Variants in THRAP3 observed in about 807,000 individuals in gnomAD.
The protein encoded by THRAP3 is thyroid hormone receptor associated protein 3, also known as thyroid hormone receptor-associated protein 3.
Under a neutral mutation model 101.0 loss-of-function variants are expected in THRAP3, and 16 were observed. The ratio of observed to expected loss-of-function variants is 0.16; its 90% CI spans 0.11 to 0.24. THRAP3 has a LOEUF of 0.24. Among genes scored for constraint, THRAP3 ranks in the 10% least tolerant of loss-of-function variants. The probability of loss-of-function intolerance (pLI) is 1.00; values close to 1 mark genes in which losing one functional copy is unlikely to be tolerated. For synonymous variants in THRAP3, 407 were observed against 422.6 expected, an observed-to-expected ratio of 0.96 and a Z score of 0.45; for missense variants, 989 against 1,202.7, an observed-to-expected ratio of 0.82 and a Z score of 2.63.
At chr1:36,217,971 G>T in the THRAP3 span, among the ~76,000 whole-genome samples, 8 of 152,290 alleles carry the variant, frequency 5.3e-5, no homozygotes, top group East Asian at 1.9e-4. Flanking sequence ...AGCTAGAAAT[G>T]ATTAAGCTTA....
chr1:36,226,430 T>G (rs1393967071), intron 1 of THRAP3, among the ~76,000 whole-genome samples: 1 of 152,162 alleles, frequency 6.6e-6, no homozygotes, highest in African/African-American at 2.4e-5. Context: ...TGGCTCATTT[T>G]TGTATTTGTA....
intron 1 of THRAP3, among the ~76,000 whole-genome samples, chr1:36,258,477 T>C (rs1645403600): frequency 6.6e-6 from 1 of 152,106 alleles, no homozygotes; most frequent in Admixed American, 6.6e-5. Context: ...ATCCTGTTAG[T>C]AATTTTTTTT....
intron 1 of THRAP3, among the ~76,000 whole-genome samples, chr1:36,246,941 A>G (rs1645238687): frequency 6.6e-6 from 1 of 152,196 alleles, no homozygotes; most frequent in African/African-American, 2.4e-5. Flanking sequence ...AAAAATTGAT[A>G]ATATACATTG....
intron 2 of THRAP3, among the ~76,000 whole-genome samples, chr1:36,270,324 G>A (rs1290031695): frequency 2.0e-5 from 3 of 152,070 alleles, no homozygotes; most frequent in African/African-American, 7.2e-5. Context: ...AGCCAGGGAG[G>A]TTGAGGCTGC....
At chr1:36,219,715 C>A (rs561250430), upstream of THRAP3, among the ~76,000 whole-genome samples, 1 of 152,280 alleles carries the variant, frequency 6.6e-6, no homozygotes, top group East Asian at 1.9e-4. Flanking sequence ...CAGGCGTGAG[C>A]CTCCGTGCCC....
intron 2 of THRAP3, among the ~76,000 whole-genome samples, chr1:36,270,304 CGGTTGAGCCAGCCAGGGA>C (rs1329516604): frequency 2.2e-4 from 33 of 152,134 alleles, no homozygotes; most frequent in African/African-American, 7.7e-4. Flanking sequence ...GTGGGAGGAT[CGGTTGAGCCAGCCAGGGA>C]GGTTGAGGCT....
upstream of THRAP3, among the ~76,000 whole-genome samples, chr1:36,220,972 A>AAAAAAAAAAATATATATATAT (rs1285765741): frequency 1.1e-5 from 1 of 94,144 alleles, no homozygotes; most frequent in African/African-American, 4.7e-5. Flanking sequence ...AAAAAAAAAA[A>AAAAAAAAAAATATATATATAT]ATATATATAT....
the THRAP3 span, among the ~76,000 whole-genome samples, chr1:36,218,990 G>T: frequency 1.5e-5 from 2 of 135,144 alleles, no homozygotes; most frequent in Non-Finnish European, 3.0e-5. Flanking sequence ...CTGAGATCAC[G>T]CCACTGCACT....
upstream of THRAP3, among the ~76,000 whole-genome samples, chr1:36,220,972 A>AAAAAAAAAAT (rs1285765741): frequency 4.7e-4 from 44 of 94,116 alleles, 2 homozygotes; most frequent in African/African-American, 1.9e-3. Context: ...AAAAAAAAAA[A>AAAAAAAAAAT]ATATATATAT....
rs369334345 is a variant in THRAP3, at chr1:36,305,004, CT to C, written c.*998del. 6.7e-3 allele frequency: 1,241 copies of C among 186,038 alleles called. No individual in the cohort carries two copies. Among genetic ancestry groups the C allele is most frequent in the East Asian group, 0.018 (187 of 10,536 alleles). The allele number at this position is 186,038 out of a possible 1,614,324, so 11.5% of individuals were successfully genotyped here. On this transcript the variant is annotated 3_prime_UTR_variant, in exon 12 of 12. Transcript: ENST00000354618. Reference sequence around the variant, plus strand: ...GTGGTTCAGGGGTTTTTTTGGGTTTCTTTTTTTTTTTCTTTGTCTTTTTAAC... The same window carrying C: ...GTGGTTCAGGGGTTTTTTTGGGTTTCTTTTTTTTTTCTTTGTCTTTTTAAC...
intron 2 of THRAP3, among the ~76,000 whole-genome samples, chr1:36,260,087 CA>C (rs1204588344): frequency 6.6e-6 from 1 of 151,260 alleles, no homozygotes; most frequent in Non-Finnish European, 1.5e-5. Flanking sequence ...ACTAAAAATA[CA>C]AAAATTAGCC....
At chr1:36,207,977 G>C in the THRAP3 span, among the ~76,000 whole-genome samples, 2 of 152,242 alleles carry the variant, frequency 1.3e-5, no homozygotes, top group East Asian at 1.9e-4. Context: ...AATTTTAATA[G>C]AGACTGGGTT....
chr1:36,274,076 T>TCACACACACACACACACACA (rs763330875), intron 2 of THRAP3, among the ~76,000 whole-genome samples: 1 of 44,742 alleles, frequency 2.2e-5, no homozygotes, highest in African/African-American at 4.7e-5. Context: ...TGTGTGTGTG[T>TCACACACACACACACACACA]CACACACACA....
At position 36,292,264 on chromosome 1, in the gene THRAP3, CT is replaced by C. The variant is rs774003081; in HGVS notation, c.1919-309del. Reference sequence around the variant, plus strand: ...GGTAACATAATGTGTTTCTTTGTTTCTTTTTTTTTTTTTTTTTTTTTTTTTG... The same window carrying C: ...GGTAACATAATGTGTTTCTTTGTTTCTTTTTTTTTTTTTTTTTTTTTTTTG... On this transcript the variant is annotated intron_variant, in intron 6 of 11. Coordinates refer to ENST00000354618, the MANE Select transcript of THRAP3 (RefSeq NM_005119.4). Among the ~76,000 whole-genome samples, 59 of 20,562 alleles carry C rather than the reference CT, an allele frequency of 2.9e-3. No individual in the cohort carries two copies. In the East Asian group the frequency reaches 0.074, roughly 26 times the overall value. 13.5% of individuals were successfully genotyped at this position (20,562 alleles called of 152,430 possible). A position where few individuals can be genotyped will look rare whatever the true frequency, so the allele number is the denominator to read the frequency against.
intron 11 of THRAP3, among the ~76,000 whole-genome samples, chr1:36,303,112 ATTTTTTTTTTTTTTTTTTTTTT>A (rs397936228): frequency 8.0e-6 from 1 of 125,148 alleles, no homozygotes; most frequent in Admixed American, 8.3e-5. Flanking sequence ...TGCCTGGCTA[ATTTTTTTTTTTTTTTTTTTTTT>A]TGTATTTTAG....
intron 1 of THRAP3, among the ~76,000 whole-genome samples, chr1:36,252,935 T>TAC (rs1645322474): frequency 1.2e-5 from 1 of 84,390 alleles, no homozygotes; most frequent in Non-Finnish European, 2.4e-5. Context: ...GGCATATATA[T>TAC]ATATATATAT....
chr1:36,269,585 G>T (rs528189999), intron 2 of THRAP3, among the ~76,000 whole-genome samples: 1 of 152,222 alleles, frequency 6.6e-6, no homozygotes, highest in South Asian at 2.1e-4. Flanking sequence ...AGATGTATTT[G>T]CAGAGCACAC....
chr1:36,237,944 C>G (rs540346727), intron 1 of THRAP3, among the ~76,000 whole-genome samples: 121 of 152,218 alleles, frequency 7.9e-4, no homozygotes, highest in African/African-American at 2.6e-3. Context: ...ACATCAGACT[C>G]CTGAGTAACT....
At chr1:36,228,109 C>CT (rs1489127248) in intron 1 of THRAP3, among the ~76,000 whole-genome samples, 1 of 149,080 alleles carries the variant, frequency 6.7e-6, no homozygotes, top group Non-Finnish European at 1.5e-5. Flanking sequence ...TGCAGTGGCA[C>CT]TATCTTGGCT....
Sources: allele counts gnomAD v4.1 joint callset (sites outside exome capture counted in the v4.1 genomes callset), GRCh38; gene constraint gnomAD v4.1.1; transcripts MANE v1.5; gene names NCBI Gene and HGNC (gene_info 2026-07-23, HGNC 2026-07-21).